The following GUCY1A1 variants were observed in gnomAD, a reference collection of about 807,000 sequenced individuals.
GUCY1A1 encodes the protein guanylate cyclase 1 soluble subunit alpha 1, also known as guanylate cyclase soluble subunit alpha-1.
In GUCY1A1, 48 loss-of-function variants were observed where a neutral mutation model predicts 64.5. The observed-to-expected ratio is 0.74, with a 90% confidence interval of 0.59 to 0.95. The LOEUF (loss-of-function observed/expected upper bound fraction) is 0.95, where lower values mean the gene tolerates loss of function less well. Ranked by LOEUF, GUCY1A1 falls within the 40% of genes least tolerant of loss-of-function variation. GUCY1A1 has a pLI of 0.00. For synonymous variants in GUCY1A1, 308 were observed against 303.4 expected (o/e 1.02, Z -0.16); for missense variants, 804 against 825.3 (o/e 0.97, Z 0.32).
At chr4:155,696,652 A>T in intron 2 of GUCY1A1, 104 bp from the exon 3 acceptor site, 1 of 422,830 alleles carries the variant, frequency 2.4e-6, no homozygotes, top group Non-Finnish European at 4.2e-6. Flanking sequence ...AATTTTTTTA[A>T]CTTGAGAATG....
intron 9 of GUCY1A1, among the ~76,000 whole-genome samples, chr4:155,723,670 T>C (rs199772170): frequency 1.7e-5 from 2 of 116,802 alleles, no homozygotes; most frequent in African/African-American, 3.2e-5. Flanking sequence ...ATTTATTTAT[T>C]TATATTTTTT....
chr4:155,717,385 G>GAGAGATTGTTGTATAGTT, intron 8 of GUCY1A1, 83 bp downstream of exon 8: 1 of 1,027,964 alleles, frequency 9.7e-7, no homozygotes, highest in Non-Finnish European at 1.3e-6. Context: ...TGTATCAGTT[G>GAGAGATTGTTGTATAGTT]GGGGTTAGTT....
Position 155,736,135 on chromosome 4 carries a change from T to C in GUCY1A1, c.*5904T>C, listed in dbSNP as rs1196980183. ...CTTTTAGATTCCTGCAATCTGTTAA[T>C]AAAATATTGTAGGACAACAACTCTA... On this transcript the variant is annotated 3_prime_UTR_variant, in exon 10 of 10. Transcript: ENST00000506455. 3 of 151,962 alleles carry C rather than the reference T, an allele frequency of 2.0e-5. No homozygotes were observed. Among genetic ancestry groups the C allele is most frequent in the Non-Finnish European group, 4.4e-5 (3 of 67,936 alleles). The allele number at this position is 151,962 out of a possible 1,614,324, so 9.4% of individuals were successfully genotyped here.
chr4:155,717,216 A>G lies in GUCY1A1; in HGVS notation c.1630A>G (p.Thr544Ala), dbSNP rs766750348. 1 of 1,592,750 alleles carries G rather than the reference A, an allele frequency of 6.3e-7. No individual in the cohort carries two copies. The highest frequency in any genetic ancestry group is 8.6e-7 in the Non-Finnish European group (1 of 1,166,556). The change falls in exon 8 of 10, where the codon ACT becomes GCT. Residue 544 changes from threonine (T) to alanine (A), a missense_variant. Transcript: ENST00000506455. ...TGGGGGATTACACAAAGAGAGTGAT[A>G]CTCATGCTGTTCAGATAGCGCTGAT... Reference protein sequence around the residue: ...VAGGLHKESDTHAVQIALMAL... With the variant: ...VAGGLHKESDAHAVQIALMAL...
chr4:155,675,726 G>A lies in GUCY1A1; in HGVS notation c.-113+8307G>A, dbSNP rs180743225. On this transcript the variant is annotated intron_variant, in intron 2 of 9. Transcript: ENST00000506455. Reference sequence around the variant, plus strand: ...AAATCCAGCAGTGGTATGTAGGAGAGCTGTGATATGCCCTGATAAGAGTTT... The same window carrying A: ...AAATCCAGCAGTGGTATGTAGGAGAACTGTGATATGCCCTGATAAGAGTTT... Among the ~76,000 whole-genome samples, 336 of 151,636 alleles carry A rather than the reference G, an allele frequency of 2.2e-3. 19 individuals carry two copies. Among genetic ancestry groups the A allele is most frequent in the African/African-American group, 7.7e-3 (316 of 40,930 alleles).
Position 155,713,141 on chromosome 4 carries a change from G to GTGCAATCT in GUCY1A1, c.1133_1140dup (p.Phe381GlnfsTer13). The GTGCAATCT allele has an allele frequency of 3.1e-6, 5 of 1,613,468 alleles. No homozygotes were observed. The highest frequency in any genetic ancestry group is 3.4e-6 in the Non-Finnish European group (4 of 1,179,442). On this transcript the variant is annotated frameshift_variant, in exon 7 of 10. Transcript: ENST00000506455. LOFTEE classifies it high-confidence loss of function. ...CAAATGATCTACATTGTTGAATCCA[G>GTGCAATCT]TGCAATCTTGTTTTTGGGGTCACCC...
In GUCY1A1 at chr4:155,715,308, G is replaced by A. The variant is rs112895091; in HGVS notation, c.1572+1725G>A. ...GCCAATGGCTTTGAAAGAATAGTCA[G>A]CGTTATTTATTCCAAGACTGGATTA... On this transcript the variant is annotated intron_variant, in intron 7 of 9. Coordinates refer to ENST00000506455, the MANE Select transcript of GUCY1A1 (RefSeq NM_001130682.3). Among the ~76,000 whole-genome samples the A allele has an allele frequency of 6.3e-3, 958 of 152,190 alleles. 12 individuals are homozygous for A. The highest frequency in any genetic ancestry group is 0.02 in the African/African-American group (851 of 41,524).
At chr4:155,688,577 T>C (rs1729319671) in intron 2 of GUCY1A1, among the ~76,000 whole-genome samples, 3 of 152,234 alleles carry the variant, frequency 2.0e-5, no homozygotes, top group Admixed American at 2.0e-4. Flanking sequence ...GTTGAGTGTT[T>C]CTTCCAGGTT....
At chr4:155,705,410 A>C (rs576549703) in intron 4 of GUCY1A1, among the ~76,000 whole-genome samples, 2 of 152,032 alleles carry the variant, frequency 1.3e-5, no homozygotes, top group African/African-American at 4.8e-5. Context: ...TTAGCCAGGC[A>C]TGGTGGCAGA....
intron 2 of GUCY1A1, among the ~76,000 whole-genome samples, chr4:155,677,619 G>A (rs2126567820): frequency 1.3e-5 from 2 of 152,282 alleles, no homozygotes; most frequent in Middle Eastern, 3.4e-3. Context: ...GGGAGGCCAA[G>A]GTGGGCAGAT....
At chr4:155,720,343 C>A (rs1461714991) in intron 8 of GUCY1A1, among the ~76,000 whole-genome samples, 1 of 87,306 alleles carries the variant, frequency 1.1e-5, no homozygotes, top group Non-Finnish European at 2.4e-5. Flanking sequence ...TTTATTCTAT[C>A]TATCTATCTA....
chr4:155,708,101 T>G (rs968295280), intron 4 of GUCY1A1, 135 bp from the exon 5 acceptor site: 4 of 506,140 alleles, frequency 7.9e-6, no homozygotes, highest in Non-Finnish European at 1.5e-5. Flanking sequence ...CCTCCCAAAG[T>G]GCTGGGATTA....
At chr4:155,700,597 C>A (rs1373533089) in intron 3 of GUCY1A1, among the ~76,000 whole-genome samples, 10 of 152,066 alleles carry the variant, frequency 6.6e-5, no homozygotes, top group Admixed American at 6.6e-4. Context: ...CAGATCTATT[C>A]TTTATGAGCC....
intron 2 of GUCY1A1, among the ~76,000 whole-genome samples, chr4:155,684,400 T>G (rs1487877312): frequency 6.6e-6 from 1 of 152,236 alleles, no homozygotes; most frequent in East Asian, 1.9e-4. Context: ...CCACGTCTTT[T>G]GCTAACCTGA....
At chr4:155,715,604 G>A (rs947113058) in intron 7 of GUCY1A1, among the ~76,000 whole-genome samples, 3 of 152,162 alleles carry the variant, frequency 2.0e-5, no homozygotes, top group Admixed American at 2.0e-4. Flanking sequence ...ACAAAGGGCT[G>A]CAAAAGCAGA....
At chr4:155,683,157 A>G (rs1011911235) in intron 2 of GUCY1A1, among the ~76,000 whole-genome samples, 1 of 152,204 alleles carries the variant, frequency 6.6e-6, no homozygotes, top group Non-Finnish European at 1.5e-5. Flanking sequence ...TTTATCAAGC[A>G]CAGACCTTGG....
At chr4:155,691,984 C>T (rs1247303645) in intron 2 of GUCY1A1, among the ~76,000 whole-genome samples, 3 of 152,082 alleles carry the variant, frequency 2.0e-5, no homozygotes, top group South Asian at 2.1e-4. Flanking sequence ...AGTGTTGTTC[C>T]CCTCTATGTG....
rs535996387 is a variant in GUCY1A1, at chr4:155,713,135, A to C, written c.1124A>C (p.Glu375Ala). 60 of 1,613,294 alleles carry C rather than the reference A, an allele frequency of 3.7e-5. No homozygotes were observed. Among genetic ancestry groups the C allele is most frequent in the Non-Finnish European group, 4.7e-5 (56 of 1,179,398 alleles). The part of the protein sequence containing the change: ...DLKGQMIYIV[E>A]SSAILFLGSP... ...AAAGGCCAAATGATCTACATTGTTG[A>C]ATCCAGTGCAATCTTGTTTTTGGGG... The change falls in exon 7 of 10, where the codon GAA becomes GCA. Residue 375 changes from glutamate to alanine, a missense_variant. Transcript: ENST00000506455.
At chr4:155,729,354 G>T (rs185515540) in intron 9 of GUCY1A1, among the ~76,000 whole-genome samples, 1 of 151,908 alleles carries the variant, frequency 6.6e-6, no homozygotes, top group Admixed American at 6.6e-5. Context: ...ATTAGAATTT[G>T]AAATAGGTTT....
Sources: gnomAD v4.1 joint callset for allele counts (sites outside exome capture counted in the v4.1 genomes callset) on GRCh38, gnomAD v4.1.1 for gene constraint, MANE v1.5 for transcripts, NCBI Gene and HGNC (gene_info 2026-07-23, HGNC 2026-07-21) for gene names.